The following TNFSF18 variants were observed in gnomAD, a reference collection of about 807,000 sequenced individuals.
The protein encoded by TNFSF18 is TNF superfamily member 18, also known as tumor necrosis factor ligand superfamily member 18.
TNFSF18 carries 6 observed loss-of-function variants against 9.6 expected under a neutral mutation model. The ratio of observed to expected loss-of-function variants is 0.63; its 90% CI spans 0.34 to 1.24. The LOEUF (loss-of-function observed/expected upper bound fraction) is 1.24, where lower values mean the gene tolerates loss of function less well. TNFSF18 is among the 50% of genes most tolerant of loss of function. The probability of loss-of-function intolerance (pLI) is 0.03; values close to 1 mark genes in which losing one functional copy is unlikely to be tolerated. For missense variants in TNFSF18, 210 were observed against 201.0 expected (o/e 1.04, Z -0.27); for synonymous variants, 68 against 71.7 (o/e 0.95, Z 0.26).
intron 1 of TNFSF18, among the ~76,000 whole-genome samples, chr1:173,044,263 C>T (rs944212825): frequency 6.6e-6 from 1 of 151,908 alleles, no homozygotes; most frequent in African/African-American, 2.4e-5. Flanking sequence ...GGACCCCCCC[C>T]CCAACCTTGG....
chr1:173,041,172 AACCAAAAGT>A lies in TNFSF18; in HGVS notation c.*186_*194del. The A allele has an allele frequency of 1.9e-6, 1 of 520,180 alleles. No homozygotes were observed. Among genetic ancestry groups the A allele is most frequent in the Admixed American group, 3.6e-5 (1 of 27,946 alleles). 32.2% of individuals were successfully genotyped at this position (520,180 alleles called of 1,614,324 possible). On this transcript the variant is annotated 3_prime_UTR_variant, in exon 3 of 3. Transcript: ENST00000404377. Reference sequence around the variant, plus strand: ...ATTAATGAAGTATCTCTGCAGATCCAACCAAAAGTCTTTGGCTCTTCCCCTGAGTCTCTT... The same window carrying A: ...ATTAATGAAGTATCTCTGCAGATCCACTTTGGCTCTTCCCCTGAGTCTCTT...
chr1:173,050,058 G>A (rs975343157), intron 1 of TNFSF18, among the ~76,000 whole-genome samples: 3 of 152,072 alleles, frequency 2.0e-5, no homozygotes, highest in African/African-American at 7.2e-5. Flanking sequence ...ATTGTTCCCT[G>A]CTTTTGAGTG....
At chr1:173,048,198 C>A (rs964923936) in intron 1 of TNFSF18, among the ~76,000 whole-genome samples, 1 of 152,172 alleles carries the variant, frequency 6.6e-6, no homozygotes, top group Non-Finnish European at 1.5e-5. Context: ...TCACCTCTAC[C>A]ACTCTGTGGG....
intron 1 of TNFSF18, among the ~76,000 whole-genome samples, chr1:173,044,345 T>A (rs1665044696): frequency 6.6e-6 from 1 of 151,738 alleles, no homozygotes; most frequent in East Asian, 1.9e-4. Flanking sequence ...TGTTGGCATG[T>A]GAAAGGAAAA....
intron 1 of TNFSF18, among the ~76,000 whole-genome samples, chr1:173,047,789 A>G (rs1665107163): frequency 6.6e-6 from 1 of 152,168 alleles, no homozygotes; most frequent in South Asian, 2.1e-4. Flanking sequence ...TTAGCGCTAC[A>G]GAGACCATCA....
rs111751094 is a variant in TNFSF18, at chr1:173,040,223, GA to G, written c.*1143del. ...TCCTGGATCTCCCTGATTCAGGCAG[GA>G]AAAAAAAAAAAAGTGTGCTGGTAAA... is the stretch of plus-strand genomic sequence containing the variant. On this transcript the variant is annotated 3_prime_UTR_variant, in exon 3 of 3. Transcript: ENST00000404377. The G allele has an allele frequency of 0.069, 9,850 of 142,520 alleles. 369 individuals carry two copies. The highest frequency in any genetic ancestry group is 0.12 in the African/African-American group (4,604 of 39,238). 8.8% of individuals were successfully genotyped at this position (142,520 alleles called of 1,614,324 possible).
rs369119065 is a variant in TNFSF18, at chr1:173,050,799, A to C, written c.98T>G (p.Val33Gly). The C allele has an allele frequency of 6.2e-7, 1 of 1,613,286 alleles. No individual in the cohort carries two copies. Among genetic ancestry groups the C allele is most frequent in the South Asian group, 1.1e-5 (1 of 90,886 alleles). ...GAAGGAGCAAAGAAATAGCAACATA[A>C]CTATTGAGCAAAAGAGCCACAGCTT... ...SWKLWLFCSI[V>G]MLLFLCSFSW... The change falls in exon 1 of 3, where the codon GTT becomes GGT. Residue 33 changes from valine (V) to glycine (G), a missense_variant. By Grantham distance (109) the Val-to-Gly change is moderately radical (BLOSUM62 -3). Coordinates refer to ENST00000404377, the MANE Select transcript of TNFSF18 (RefSeq NM_005092.4).
In TNFSF18 at chr1:173,050,767, G is replaced by C; in HGVS notation, c.130C>G (p.Leu44Val). The C allele has an allele frequency of 6.2e-7, 1 of 1,610,066 alleles. No individual in the cohort carries two copies. ...MLLFLCSFSW[L>V]IFIFLQLETA... The stretch of plus-strand genomic sequence containing the variant: ...TCTAATTGGAGAAAAATAAAGATTA[G>C]CCAACTGAAGGAGCAAAGAAATAGC... The change falls in exon 1 of 3, where the codon CTA (leucine) becomes GTA (valine). Residue 44 changes from leucine (L) to valine (V), a missense_variant. Physicochemically the swap from Leu to Val is conservative, Grantham distance 32. Coordinates refer to ENST00000404377, the MANE Select transcript of TNFSF18 (RefSeq NM_005092.4).
chr1:173,041,547 A>C lies in TNFSF18; in HGVS notation c.354T>G (p.Tyr118Ter). The change falls in exon 3 of 3, where the codon TAT (tyrosine) becomes TAG (stop). Residue 118 changes from tyrosine (Y) to a stop codon, truncating the protein, a stop_gained. Coordinates refer to ENST00000404377, the MANE Select transcript of TNFSF18 (RefSeq NM_005092.4). LOFTEE classifies it low-confidence loss of function (END_TRUNC). ...GAGTTTGTATCATGTCTTTGTTTTT[A>C]TACAGCCGCACCTCAAAAGGAGCTA... ...NDVAPFEVRL[Y>*]KNKDMIQTLT... 6.2e-7 allele frequency: 1 copy of C among 1,613,508 alleles called. No individual in the cohort carries two copies.
chr1:173,045,722 T>G (rs1218465272), intron 1 of TNFSF18, among the ~76,000 whole-genome samples: 2 of 151,946 alleles, frequency 1.3e-5, no homozygotes, highest in African/African-American at 2.4e-5. Flanking sequence ...TGGAAATGTT[T>G]CTGTAAAATG....
chr1:173,042,427 A>C (rs1222332640), intron 2 of TNFSF18, among the ~76,000 whole-genome samples: 2 of 152,044 alleles, frequency 1.3e-5, no homozygotes, highest in Non-Finnish European at 2.9e-5. Context: ...TTCCTGAATT[A>C]GGTGCTTTGT....
At chr1:173,045,479 C>G (rs1016308257) in intron 1 of TNFSF18, among the ~76,000 whole-genome samples, 1 of 152,012 alleles carries the variant, frequency 6.6e-6, no homozygotes, top group Non-Finnish European at 1.5e-5. Context: ...GAGTTCTTGA[C>G]AAAATTAGTT....
intron 1 of TNFSF18, among the ~76,000 whole-genome samples, 198 bp downstream of exon 1, chr1:173,050,543 A>G (rs1304173422): frequency 6.6e-6 from 1 of 152,128 alleles, no homozygotes; most frequent in East Asian, 1.9e-4. Flanking sequence ...GCATTTTCTG[A>G]TACCTTTTAT....
intron 2 of TNFSF18, 24 bp from the exon 3 acceptor site, chr1:173,041,737 A>C: frequency 1.3e-6 from 2 of 1,526,188 alleles, no homozygotes; most frequent in East Asian, 4.5e-5. Flanking sequence ...ACAAGGATAA[A>C]AAAGATGAAA....
rs1664969737 is a variant in TNFSF18, at chr1:173,040,315, T to A, written c.*1052A>T. ...AAAGGGGAATATGCTTCCTGAAAAG[T>A]GAATTCGCTAAGTTTTAGAGTCTTA... On this transcript the variant is annotated 3_prime_UTR_variant, in exon 3 of 3. Coordinates refer to ENST00000404377, the MANE Select transcript of TNFSF18 (RefSeq NM_005092.4). 1 of 151,970 alleles carries A rather than the reference T, an allele frequency of 6.6e-6. No homozygotes were observed. 9.4% of individuals were successfully genotyped at this position (151,970 alleles called of 1,614,324 possible).
intron 1 of TNFSF18, among the ~76,000 whole-genome samples, chr1:173,046,741 C>T (rs1665089995): frequency 6.6e-6 from 1 of 151,770 alleles, no homozygotes; most frequent in South Asian, 2.1e-4. Context: ...ATTATTAGTA[C>T]TTGTATATAG....
intron 1 of TNFSF18, among the ~76,000 whole-genome samples, chr1:173,046,385 GAT>G (rs1434629184): frequency 6.6e-5 from 10 of 152,146 alleles, no homozygotes; most frequent in Admixed American, 1.3e-4. Flanking sequence ...GGTATGACAT[GAT>G]AAGAATATCC....
In TNFSF18 at chr1:173,041,246, G is replaced by A; in HGVS notation, c.*121C>T. The A allele has an allele frequency of 1.2e-6, 1 of 811,842 alleles. No individual in the cohort carries two copies. The highest frequency in any genetic ancestry group is 3.0e-5 in the Admixed American group (1 of 33,728). 50.3% of individuals were successfully genotyped at this position (811,842 alleles called of 1,614,324 possible). The stretch of plus-strand genomic sequence containing the variant: ...TAGATGAAAATTCACGTGCAGAGGA[G>A]TTCTGTTTGTGTTGATTTTTGTAGA... On this transcript the variant is annotated 3_prime_UTR_variant, in exon 3 of 3. Transcript: ENST00000404377.
At chr1:173,044,571 A>T (rs1387595359) in intron 1 of TNFSF18, among the ~76,000 whole-genome samples, 1 of 152,088 alleles carries the variant, frequency 6.6e-6, no homozygotes, top group African/African-American at 2.4e-5. Context: ...TGTGTGGTTA[A>T]TTTTACAAAC....
Sources: gnomAD v4.1 joint callset for allele counts (sites outside exome capture counted in the v4.1 genomes callset) on GRCh38, gnomAD v4.1.1 for gene constraint, MANE v1.5 for transcripts, NCBI Gene and HGNC (gene_info 2026-07-23, HGNC 2026-07-21) for gene names.